CADPS: variants seen among roughly 807,000 people sequenced by gnomAD.
CADPS encodes calcium-dependent secretion activator 1.
Under a neutral mutation model 167.3 loss-of-function variants are expected in CADPS, and 57 were observed. That is an observed-to-expected ratio of 0.34 (90% CI 0.28 to 0.42). The LOEUF (loss-of-function observed/expected upper bound fraction) is 0.42, where lower values mean the gene tolerates loss of function less well. Among genes scored for constraint, CADPS ranks in the 20% least tolerant of loss-of-function variants. CADPS has a pLI of 1.00. For synonymous variants in CADPS, 676 were observed against 635.3 expected, an observed-to-expected ratio of 1.06 and a Z score of -0.96; for missense variants, 1,414 against 1,738.1, an observed-to-expected ratio of 0.81 and a Z score of 3.32.
Position 62,619,981 on chromosome 3 carries a change from A to G in CADPS, c.1325+25741T>C, listed in dbSNP as rs140062501. Among the ~76,000 whole-genome samples the G allele has an allele frequency of 3.4e-3, 515 of 152,196 alleles. 3 individuals are homozygous for G. The highest frequency in any genetic ancestry group is 0.014 in the Middle Eastern group (4 of 294). ...GATTATTTTGTTGCCTTTGTTTGGCATGCTTGGTAGTAGAAAGACTGCTCT... is the reference window on the plus strand; with the variant it reads ...GATTATTTTGTTGCCTTTGTTTGGCGTGCTTGGTAGTAGAAAGACTGCTCT... On this transcript the variant is annotated intron_variant, in intron 6 of 29. Coordinates refer to ENST00000383710, the MANE Select transcript of CADPS (RefSeq NM_003716.4).
intron 13 of CADPS, among the ~76,000 whole-genome samples, chr3:62,522,522 T>A (rs1008849927): frequency 6.6e-6 from 1 of 152,166 alleles, no homozygotes; most frequent in African/African-American, 2.4e-5. Flanking sequence ...TACTCTTCCA[T>A]AGCTCACTTG....
At chr3:62,467,829 T>C (rs943306119) in intron 24 of CADPS, among the ~76,000 whole-genome samples, 14 of 152,136 alleles carry the variant, frequency 9.2e-5, no homozygotes, top group African/African-American at 3.1e-4. Context: ...GCCTTCAGAC[T>C]CATAAGTCTC....
In CADPS at chr3:62,445,781, T is replaced by C. The variant is rs144155979; in HGVS notation, c.3653A>G (p.Lys1218Arg). 5.6e-5 allele frequency: 86 copies of C among 1,522,274 alleles called. No homozygotes were observed. Among genetic ancestry groups the C allele is most frequent in the Admixed American group, 1.7e-4 (7 of 40,460 alleles). The allele number at this position is 1,522,274 out of a possible 1,614,324, so 94.3% of individuals were successfully genotyped here. The change falls in exon 27 of 30, where the codon AAA (lysine) becomes AGA (arginine). Residue 1218 changes from lysine (K) to arginine (R), a missense_variant. This residue lies in a region of CADPS where 185 missense variants were observed against 251.5 expected (regional missense o/e 0.74). Transcript: ENST00000383710. ...FLSFTVKAAS[K>R]YVDVPKPGMD... ...AATACTCACAGGTACATCCACATAT[T>C]TGGAAGCTGCCTTCACCTAAAGAGG...
intron 24 of CADPS, 22 bp downstream of exon 24, chr3:62,474,151 G>GTCTTTT: frequency 2.0e-6 from 1 of 496,850 alleles, no homozygotes; most frequent in Non-Finnish European, 2.7e-6. Context: ...AAAAAAATCT[G>GTCTTTT]TATTTTTTTT....
intron 10 of CADPS, among the ~76,000 whole-genome samples, chr3:62,555,527 G>T (rs973163991): frequency 1.5e-4 from 23 of 152,176 alleles, no homozygotes; most frequent in Admixed American, 6.5e-5. Context: ...AATAGCCTTT[G>T]ATATCTCAGA....
chr3:62,489,786 C>A (rs950736375), intron 21 of CADPS, among the ~76,000 whole-genome samples: 3 of 152,120 alleles, frequency 2.0e-5, no homozygotes, highest in African/African-American at 4.8e-5. Flanking sequence ...TCATTTTAAC[C>A]TTTTCCTCTT....
At chr3:62,628,860 C>T (rs1009660684) in intron 6 of CADPS, among the ~76,000 whole-genome samples, 3 of 151,954 alleles carry the variant, frequency 2.0e-5, no homozygotes, top group South Asian at 2.1e-4. Flanking sequence ...CTCTTGACCT[C>T]GTGATTCACC....
At chr3:62,864,127 CAGA>C (rs746148896) in intron 1 of CADPS, among the ~76,000 whole-genome samples, 6 of 152,276 alleles carry the variant, frequency 3.9e-5, no homozygotes, top group Middle Eastern at 3.4e-3. Context: ...ACTTTCCTAG[CAGA>C]AGAAGGTAAT....
intron 21 of CADPS, among the ~76,000 whole-genome samples, chr3:62,488,469 A>ATTATTTATTTATTTAT (rs760932725): frequency 1.3e-5 from 2 of 150,500 alleles, no homozygotes; most frequent in African/African-American, 4.9e-5. Flanking sequence ...CACTGTTTTT[A>ATTATTTATTTATTTAT]TTATTTATTT....
chr3:62,621,772 G>A (rs1041598062), intron 6 of CADPS, among the ~76,000 whole-genome samples: 4 of 151,958 alleles, frequency 2.6e-5, no homozygotes, highest in African/African-American at 4.8e-5. Context: ...CCCAGTGTGC[G>A]TTATTCCCCT....
Position 62,550,004 on chromosome 3 carries a change from G to T in CADPS, c.1865C>A (p.Ala622Asp). ...RILWVQAMYR[A>D]TGQSHKPVPP... is the part of the protein sequence containing the mutation. ...CACAGGCTTGTGTGACTGCCCCGTG[G>T]CCCGATACATGGCCTGGACCCACAG... is the stretch of plus-strand genomic sequence containing the variant. The change falls in exon 11 of 30, where the codon GCC (alanine) becomes GAC (aspartate). Residue 622 changes from alanine to aspartate, a missense_variant. Physicochemically the swap from Ala to Asp is moderately radical, Grantham distance 126 (BLOSUM62 -2). This residue lies in a region of CADPS where 529 missense variants were observed against 629.6 expected (regional missense o/e 0.84). Transcript: ENST00000383710. 6.2e-7 allele frequency: 1 copy of T among 1,614,064 alleles called. No homozygotes were observed. Among genetic ancestry groups the T allele is most frequent in the Non-Finnish European group, 8.5e-7 (1 of 1,179,986 alleles).
chr3:62,503,779 T>C (rs529331208), intron 17 of CADPS, among the ~76,000 whole-genome samples: 1 of 152,354 alleles, frequency 6.6e-6, no homozygotes, highest in South Asian at 2.1e-4. Context: ...TCATGTGGTT[T>C]ACAATATCAG....
intron 6 of CADPS, among the ~76,000 whole-genome samples, chr3:62,618,353 G>T (rs780590397): frequency 6.6e-6 from 1 of 152,122 alleles, no homozygotes; most frequent in Non-Finnish European, 1.5e-5. Context: ...ATGAAATCCT[G>T]TCTCAGTTTA....
At chr3:62,453,265 A>T (rs992403454) in intron 26 of CADPS, among the ~76,000 whole-genome samples, 23 of 152,164 alleles carry the variant, frequency 1.5e-4, no homozygotes, top group East Asian at 1.4e-3. Flanking sequence ...GTGTTTTTTT[A>T]AAAAAAATTA....
At chr3:62,792,975 G>T (rs953772377) in intron 1 of CADPS, among the ~76,000 whole-genome samples, 1 of 152,158 alleles carries the variant, frequency 6.6e-6, no homozygotes, top group Non-Finnish European at 1.5e-5. Context: ...TGGATCAGAA[G>T]CCCAGTTCTG....
intron 26 of CADPS, among the ~76,000 whole-genome samples, chr3:62,460,279 T>C (rs960158361): frequency 1.3e-5 from 2 of 152,216 alleles, no homozygotes; most frequent in African/African-American, 4.8e-5. Flanking sequence ...CAGCTACTAC[T>C]ACCACAGTTG....
At chr3:62,725,137 TTCTC>T (rs2076503298) in intron 3 of CADPS, among the ~76,000 whole-genome samples, 1 of 151,942 alleles carries the variant, frequency 6.6e-6, no homozygotes, top group Non-Finnish European at 1.5e-5. Context: ...CAACCTCAAC[TTCTC>T]TCTCTTGCTT....
intron 1 of CADPS, among the ~76,000 whole-genome samples, chr3:62,818,220 C>T (rs1200275998): frequency 6.6e-6 from 1 of 152,058 alleles, no homozygotes; most frequent in African/African-American, 2.4e-5. Context: ...GACATCAGAC[C>T]CATTAATCCA....
intron 1 of CADPS, among the ~76,000 whole-genome samples, chr3:62,850,137 T>G (rs541022939): frequency 8.1e-6 from 1 of 123,116 alleles, no homozygotes; most frequent in South Asian, 3.1e-4. Flanking sequence ...CCTTTATCAT[T>G]TTTTATCGTG....
Sources: gnomAD v4.1 joint callset for allele counts (sites outside exome capture counted in the v4.1 genomes callset) on GRCh38, gnomAD v4.1.1 for gene constraint, gnomAD v4.1.1 regional missense constraint, MANE v1.5 for transcripts, NCBI Gene and HGNC (gene_info 2026-07-23, HGNC 2026-07-21) for gene names.